Variants in PLCB1 observed in about 807,000 individuals in gnomAD.
PLCB1 encodes 1-phosphatidylinositol 4,5-bisphosphate phosphodiesterase beta-1.
PLCB1 carries 46 observed loss-of-function variants against 161.8 expected under a neutral mutation model. The observed-to-expected ratio is 0.28, with a 90% CI of 0.22 to 0.36. The LOEUF is 0.36. PLCB1 is among the 10% of genes least tolerant of loss of function. The probability of loss-of-function intolerance (pLI) is 1.00; values close to 1 mark genes in which losing one functional copy is unlikely to be tolerated. For missense variants in PLCB1, 1,016 were observed against 1,472.5 expected, an observed-to-expected ratio of 0.69 and a Z score of 5.07; for synonymous variants, 517 against 503.7, an observed-to-expected ratio of 1.03 and a Z score of -0.35.
intron 26 of PLCB1, among the ~76,000 whole-genome samples, chr20:8,771,436 T>G (rs544046963): frequency 6.6e-6 from 1 of 152,248 alleles, no homozygotes; most frequent in African/African-American, 2.4e-5. Flanking sequence ...CCTTGAACAC[T>G]GAATTCAGCT....
intron 2 of PLCB1, among the ~76,000 whole-genome samples, chr20:8,342,703 C>A (rs1985853670): frequency 6.6e-6 from 1 of 152,330 alleles, no homozygotes; most frequent in Non-Finnish European, 1.5e-5. Flanking sequence ...CAAATCCCAT[C>A]TCTGCCTCTC....
chr20:8,246,704 T>A (rs1388683056), intron 2 of PLCB1, among the ~76,000 whole-genome samples: 1 of 151,914 alleles, frequency 6.6e-6, no homozygotes, highest in East Asian at 1.9e-4. Context: ...GGACACTGAT[T>A]TTTTATTATT....
chr20:8,492,661 C>T lies in PLCB1; in HGVS notation c.246+121211C>T, dbSNP rs542878699. Among the ~76,000 whole-genome samples, 64 of 152,150 alleles carry T rather than the reference C, an allele frequency of 4.2e-4. 2 individuals are homozygous for T. The South Asian group carries it at 0.013, about 32-fold the overall frequency. ...GGCTGGTGGAAATGATGCCTTTCTTCTGTGCCTAAGTGATAATGTAAACAT... is the reference window on the plus strand; with the variant it reads ...GGCTGGTGGAAATGATGCCTTTCTTTTGTGCCTAAGTGATAATGTAAACAT... On this transcript the variant is annotated intron_variant, in intron 3 of 31. Coordinates refer to ENST00000338037, the MANE Select transcript of PLCB1 (RefSeq NM_015192.4).
At chr20:8,237,449 C>G (rs1190799169) in intron 2 of PLCB1, among the ~76,000 whole-genome samples, 1 of 152,054 alleles carries the variant, frequency 6.6e-6, no homozygotes, top group African/African-American at 2.4e-5. Context: ...GTGGTTTTCT[C>G]TGTCTTGTGT....
chr20:8,492,059 T>G (rs1391447141), intron 3 of PLCB1, among the ~76,000 whole-genome samples: 1 of 152,174 alleles, frequency 6.6e-6, no homozygotes, highest in Non-Finnish European at 1.5e-5. Context: ...AGTATATATA[T>G]TCTTGGTTCA....
intron 2 of PLCB1, among the ~76,000 whole-genome samples, chr20:8,347,758 A>G (rs1291786352): frequency 6.6e-6 from 1 of 152,220 alleles, no homozygotes; most frequent in East Asian, 1.9e-4. Flanking sequence ...AGATAAAATG[A>G]AACATAAAGA....
chr20:8,805,149 T>G (rs1403858728), intron 31 of PLCB1, among the ~76,000 whole-genome samples: 1 of 152,212 alleles, frequency 6.6e-6, no homozygotes, highest in Admixed American at 6.5e-5. Flanking sequence ...ATTTTTTAAT[T>G]TGTGAGTGCA....
intron 9 of PLCB1, among the ~76,000 whole-genome samples, chr20:8,683,724 C>G (rs939689982): frequency 1.3e-5 from 2 of 152,076 alleles, no homozygotes; most frequent in Admixed American, 6.5e-5. Context: ...TCTGAGTAAA[C>G]TAAATTACCT....
intron 26 of PLCB1, among the ~76,000 whole-genome samples, chr20:8,766,907 A>G (rs537962446): frequency 6.6e-6 from 1 of 152,256 alleles, no homozygotes; most frequent in South Asian, 2.1e-4. Flanking sequence ...AAACTTTTTC[A>G]TGAGTCCAGC....
At chr20:8,325,988 T>C (rs1405833263) in intron 2 of PLCB1, among the ~76,000 whole-genome samples, 2 of 152,176 alleles carry the variant, frequency 1.3e-5, no homozygotes, top group Non-Finnish European at 2.9e-5. Context: ...ATTTTGAAAA[T>C]CTGTATGAAG....
intron 2 of PLCB1, chr20:8,371,032 C>T (rs1375121175): frequency 1.0e-5 from 2 of 192,432 alleles, no homozygotes; most frequent in Non-Finnish European, 2.1e-5. Flanking sequence ...TTCTCTCTAC[C>T]GACATACCCT....
At chr20:8,219,585 T>G (rs1040238836) in intron 2 of PLCB1, among the ~76,000 whole-genome samples, 4 of 152,196 alleles carry the variant, frequency 2.6e-5, no homozygotes, top group African/African-American at 9.6e-5. Context: ...TGTAAGATAC[T>G]GACAGTTCTC....
At chr20:8,438,184 T>C (rs981679841) in intron 3 of PLCB1, among the ~76,000 whole-genome samples, 1 of 152,160 alleles carries the variant, frequency 6.6e-6, no homozygotes, top group Non-Finnish European at 1.5e-5. Flanking sequence ...AATAGTGAAA[T>C]GGTGTTTCCA....
At chr20:8,261,264 GGA>G (rs1056574456) in intron 2 of PLCB1, among the ~76,000 whole-genome samples, 1 of 151,748 alleles carries the variant, frequency 6.6e-6, no homozygotes, top group Non-Finnish European at 1.5e-5. Context: ...AACATTAAGA[GGA>G]GAGAGAGAGA....
At chr20:8,394,609 C>G (rs115251224) in intron 3 of PLCB1, among the ~76,000 whole-genome samples, 2,757 of 152,154 alleles carry the variant, frequency 0.018, 87 homozygotes, top group African/African-American at 0.062. Context: ...TACTATTTCT[C>G]AGGGTTATTG....
chr20:8,424,995 A>G (rs1023988498), intron 3 of PLCB1, among the ~76,000 whole-genome samples: 1 of 152,188 alleles, frequency 6.6e-6, no homozygotes, highest in Non-Finnish European at 1.5e-5. Context: ...ATGTAACTGA[A>G]GCAGTAGCCT....
chr20:8,561,132 G>A (rs1986126450), intron 3 of PLCB1, among the ~76,000 whole-genome samples: 1 of 151,852 alleles, frequency 6.6e-6, no homozygotes, highest in Non-Finnish European at 1.5e-5. Context: ...GACTGTTCCA[G>A]GTAGAATGCT....
chr20:8,514,166 T>C (rs113590938), intron 3 of PLCB1, among the ~76,000 whole-genome samples: 13,900 of 151,846 alleles, frequency 0.092, 721 homozygotes, highest in Middle Eastern at 0.17. Flanking sequence ...GGGCCGGGCA[T>C]GGTGGCTCAC....
chr20:8,514,042 A>T (rs969504234), intron 3 of PLCB1, among the ~76,000 whole-genome samples: 2 of 151,930 alleles, frequency 1.3e-5, no homozygotes, highest in African/African-American at 4.8e-5. Flanking sequence ...AAAAAGAAGA[A>T]GAAGAAAAAG....
Sources: allele counts gnomAD v4.1 joint callset (sites outside exome capture counted in the v4.1 genomes callset), GRCh38; gene constraint gnomAD v4.1.1; transcripts MANE v1.5; gene names NCBI Gene and HGNC (gene_info 2026-07-23, HGNC 2026-07-21).